Variants in NUP205 observed in about 807,000 individuals in gnomAD.
The protein encoded by NUP205 is nuclear pore complex protein Nup205.
A neutral mutation model predicts 253.8 loss-of-function variants in NUP205; 76 were observed. The observed-to-expected ratio is 0.30, with a 90% CI of 0.25 to 0.36. The LOEUF (loss-of-function observed/expected upper bound fraction) is 0.36, where lower values mean the gene tolerates loss of function less well. Among genes scored for constraint, NUP205 ranks in the 10% least tolerant of loss-of-function variants. The pLI is 1.00. For missense variants in NUP205, 2,162 were observed against 2,425.5 expected (o/e 0.89, Z 2.28); for synonymous variants, 832 against 850.1 (o/e 0.98, Z 0.37).
chr7:135,646,049 G>A (rs1795002518), intron 41 of NUP205, 109 bp from the exon 42 acceptor site: 1 of 731,278 alleles, frequency 1.4e-6, no homozygotes, highest in Non-Finnish European at 2.4e-6. Flanking sequence ...CCAATCTTGA[G>A]CCGTGTTTTT....
At chr7:135,596,635 G>C (rs949028772) in intron 13 of NUP205, among the ~76,000 whole-genome samples, 1 of 151,948 alleles carries the variant, frequency 6.6e-6, no homozygotes, top group Non-Finnish European at 1.5e-5. Context: ...CAAAACTTGA[G>C]CCTCCTTTAA....
chr7:135,625,194 G>A lies in NUP205; in HGVS notation c.4510G>A (p.Val1504Ile). 1.9e-6 allele frequency: 3 copies of A among 1,613,508 alleles called. No homozygotes were observed. The highest frequency in any genetic ancestry group is 2.2e-5 in the South Asian group (2 of 90,930). ...GGCCCTGGCTCTACTTGATAGAATTGTCTCCGTGGATAAACAGCAGCAGTG... is the reference window on the plus strand; with the variant it reads ...GGCCCTGGCTCTACTTGATAGAATTATCTCCGTGGATAAACAGCAGCAGTG... ...MLALALLDRI[V>I]SVDKQQQWLL... The change falls in exon 32 of 43, where the codon GTC becomes ATC. Residue 1504 changes from valine to isoleucine, a missense_variant. Physicochemically the swap from Val to Ile is conservative, Grantham distance 29. Around this residue, in one of 5 missense-constraint regions of NUP205, gnomAD observed 1,144 missense variants for 1,280.9 expected, o/e 0.89. Coordinates refer to ENST00000285968, the MANE Select transcript of NUP205 (RefSeq NM_015135.3).
chr7:135,559,924 T>C (rs1408093356), intron 1 of NUP205, among the ~76,000 whole-genome samples: 3 of 151,738 alleles, frequency 2.0e-5, no homozygotes, highest in African/African-American at 7.3e-5. Context: ...AGTGGCACGA[T>C]CTTGGCTCAC....
chr7:135,575,870 A>G (rs1477354766), intron 3 of NUP205, among the ~76,000 whole-genome samples: 1 of 152,226 alleles, frequency 6.6e-6, no homozygotes, highest in Non-Finnish European at 1.5e-5. Context: ...GTTTATTCAG[A>G]GAAGATTCCG....
Position 135,577,134 on chromosome 7 carries a change from G to A in NUP205, c.648+6G>A. 1.2e-6 allele frequency: 2 copies of A among 1,602,186 alleles called. No homozygotes were observed. Among genetic ancestry groups the A allele is most frequent in the Non-Finnish European group, 1.7e-6 (2 of 1,175,972 alleles). On this transcript the variant is annotated splice_donor_region_variant and intron_variant, in intron 5 of 42. Transcript: ENST00000285968. ...GTGAAAAACATCGCAAAGAGGCAAG[G>A]GTTCAATGAAATCAATTCATGAGTT...
At chr7:135,570,812 A>ATTATATTAATATAT (rs1563110226) in intron 1 of NUP205, among the ~76,000 whole-genome samples, 19 of 65,886 alleles carry the variant, frequency 2.9e-4, no homozygotes, top group Admixed American at 2.5e-3. Context: ...AATATATATT[A>ATTATATTAATATAT]ATTATATTAA....
chr7:135,563,559 A>G (rs1237005253), intron 1 of NUP205, among the ~76,000 whole-genome samples: 1 of 152,156 alleles, frequency 6.6e-6, no homozygotes, highest in East Asian at 1.9e-4. Flanking sequence ...AATACCTCAC[A>G]CATGGTGAAT....
At chr7:135,569,139 C>T (rs1805871397) in intron 1 of NUP205, among the ~76,000 whole-genome samples, 1 of 152,184 alleles carries the variant, frequency 6.6e-6, no homozygotes, top group Non-Finnish European at 1.5e-5. Context: ...GGCACGATCT[C>T]GGCTCACTCC....
intron 22 of NUP205, among the ~76,000 whole-genome samples, chr7:135,609,368 C>T (rs1183093699): frequency 6.6e-6 from 1 of 151,960 alleles, no homozygotes; most frequent in Non-Finnish European, 1.5e-5. Flanking sequence ...GTCCCAGCTA[C>T]TCGGGAGGCT....
chr7:135,603,027 A>G (rs754870534), intron 18 of NUP205, 33 bp downstream of exon 18: 2 of 1,493,852 alleles, frequency 1.3e-6, no homozygotes, highest in East Asian at 4.6e-5. Context: ...GAAATGAAGT[A>G]AACAGATAGA....
intron 33 of NUP205, among the ~76,000 whole-genome samples, chr7:135,627,014 A>T (rs1459779631): frequency 1.3e-5 from 2 of 152,330 alleles, no homozygotes; most frequent in Middle Eastern, 3.4e-3. Context: ...ACCTCCAGGG[A>T]AAAACATTTA....
chr7:135,625,145 T>C lies in NUP205; in HGVS notation c.4480-19T>C. 6.2e-7 allele frequency: 1 copy of C among 1,600,908 alleles called. No individual in the cohort carries two copies. Among genetic ancestry groups the C allele is most frequent in the Non-Finnish European group, 8.5e-7 (1 of 1,175,586 alleles). On this transcript the variant is annotated intron_variant, in intron 31 of 42. Transcript: ENST00000285968. ...GGTAGCATCTACATGTTTTGGACTT[T>C]AATTTATTCTTCCTTCAGATGCTGG... is the stretch of plus-strand genomic sequence containing the variant.
At chr7:135,584,658 G>A (rs1405103523) in intron 7 of NUP205, among the ~76,000 whole-genome samples, 174 bp from the exon 8 acceptor site, 9 of 152,182 alleles carry the variant, frequency 5.9e-5, no homozygotes, top group Admixed American at 1.3e-4. Context: ...TGGGGTTTGT[G>A]AGTTCTTTAG....
chr7:135,622,268 C>G (rs1794487352), intron 30 of NUP205, among the ~76,000 whole-genome samples: 1 of 151,444 alleles, frequency 6.6e-6, no homozygotes, highest in African/African-American at 2.4e-5. Context: ...ACTAAAAATA[C>G]AAAAATTAGC....
intron 22 of NUP205, among the ~76,000 whole-genome samples, chr7:135,610,146 C>T (rs73725187): frequency 0.034 from 5,199 of 152,246 alleles, 119 homozygotes; most frequent in Middle Eastern, 0.1. Flanking sequence ...GTTGTTCTAA[C>T]TTTTAGAACA....
intron 19 of NUP205, 94 bp from the exon 20 acceptor site, chr7:135,606,051 C>G: frequency 1.2e-6 from 1 of 841,870 alleles, no homozygotes; most frequent in Non-Finnish European, 1.9e-6. Flanking sequence ...CCTATTTTTC[C>G]TTATGGATGA....
chr7:135,570,892 T>A (rs1365029882), intron 1 of NUP205, among the ~76,000 whole-genome samples: 1 of 123,724 alleles, frequency 8.1e-6, no homozygotes, highest in African/African-American at 3.1e-5. Flanking sequence ...ATATTATATA[T>A]TATATATTTA....
intron 33 of NUP205, 102 bp downstream of exon 33, chr7:135,626,463 A>T: frequency 7.6e-7 from 1 of 1,310,726 alleles, no homozygotes; most frequent in Non-Finnish European, 1.0e-6. Flanking sequence ...ATTCTCTTTC[A>T]TCTTGGTGTG....
At chr7:135,616,773 TAA>T (rs35690290) in intron 25 of NUP205, 47 bp downstream of exon 25, 917 of 864,184 alleles carry the variant, frequency 1.1e-3, no homozygotes, top group Middle Eastern at 1.6e-3. Context: ...AGACATATAT[TAA>T]AAAAAAAAAA....
Sources: allele counts gnomAD v4.1 joint callset (sites outside exome capture counted in the v4.1 genomes callset), GRCh38; gene constraint gnomAD v4.1.1; regional missense constraint gnomAD v4.1.1; transcripts MANE v1.5; gene names NCBI Gene and HGNC (gene_info 2026-07-23, HGNC 2026-07-21).